Variants in TCF25 observed in about 807,000 individuals in gnomAD.
TCF25 encodes ribosome quality control complex subunit TCF25.
A neutral mutation model predicts 83.1 loss-of-function variants in TCF25; 41 were observed. The ratio of observed to expected loss-of-function variants is 0.49; its 90% CI spans 0.38 to 0.64. TCF25 has a LOEUF of 0.64. Among genes scored for constraint, TCF25 ranks in the 30% least tolerant of loss-of-function variants. TCF25 has a pLI of 0.00. For synonymous variants in TCF25, 458 were observed against 365.0 expected, an observed-to-expected ratio of 1.25 and a Z score of -2.90; for missense variants, 979 against 914.5, an observed-to-expected ratio of 1.07 and a Z score of -0.91.
At chr16:89,884,489 T>G in intron 2 of TCF25, 93 bp from the exon 3 acceptor site, 1 of 1,331,242 alleles carries the variant, frequency 7.5e-7, no homozygotes, top group Non-Finnish European at 1.1e-6. Flanking sequence ...TAGGGGCTGC[T>G]TAGGTGAGGG....
rs748313140 is a variant in TCF25, at chr16:89,884,583, C to T, written c.356C>T (p.Ser119Phe). 3 of 1,613,472 alleles carry T rather than the reference C, an allele frequency of 1.9e-6. No individual in the cohort carries two copies. The highest frequency in any genetic ancestry group is 1.7e-5 in the Admixed American group (1 of 59,940). The change falls in exon 3 of 18, where the codon TCT becomes TTT. Residue 119 changes from serine (S) to phenylalanine (F), a missense_variant and splice_region_variant. By Grantham distance (155) the Ser-to-Phe change is radical. Coordinates refer to ENST00000263346, the MANE Select transcript of TCF25 (RefSeq NM_014972.3). ...DDTETVPSEQSHASGKLRKKK... is the reference protein window; with the variant it reads ...DDTETVPSEQFHASGKLRKKK... The stretch of plus-strand genomic sequence containing the variant: ...ATGAAAATGTGTTTCTATCATTAGT[C>T]TCATGCAAGTGGCAAACTCCGGAAG...
At position 89,883,287 on chromosome 16, in the gene TCF25, T is replaced by C. The variant is rs975274692; in HGVS notation, c.193-64T>C. On this transcript the variant is annotated intron_variant, in intron 1 of 17. Coordinates refer to ENST00000263346, the MANE Select transcript of TCF25 (RefSeq NM_014972.3). ...AAGCCCGTTCACATCTCACTATTCA[T>C]ATCTCAGCATGAGCGTTCACACTGT... is the stretch of plus-strand genomic sequence containing the variant. 5.1e-6 allele frequency: 8 copies of C among 1,580,852 alleles called. No homozygotes were observed. In the Admixed American group the frequency reaches 5.2e-5, roughly 10 times the overall value.
chr16:89,874,345 G>C (rs2041998946), intron 1 of TCF25, among the ~76,000 whole-genome samples: 1 of 152,066 alleles, frequency 6.6e-6, no homozygotes, highest in South Asian at 2.1e-4. Context: ...GGCGTGGGCG[G>C]GGTTAAATGA....
At chr16:89,902,968 GC>G (rs2044470421) in intron 12 of TCF25, among the ~76,000 whole-genome samples, 2 of 152,168 alleles carry the variant, frequency 1.3e-5, no homozygotes, top group African/African-American at 2.4e-5. Flanking sequence ...GCAGAAACGT[GC>G]CCCCCAGAGG....
intron 7 of TCF25, among the ~76,000 whole-genome samples, chr16:89,894,223 G>A (rs1209655401): frequency 6.6e-6 from 1 of 151,968 alleles, no homozygotes; most frequent in African/African-American, 2.4e-5. Context: ...CCCCCGTGCA[G>A]CCCCCGGACG....
intron 7 of TCF25, 64 bp from the exon 8 acceptor site, chr16:89,894,974 G>T (rs893343282): frequency 6.8e-7 from 1 of 1,461,558 alleles, no homozygotes; most frequent in African/African-American, 1.4e-5. Flanking sequence ...TGAAAAAAAG[G>T]CATGCCTGGG....
Position 89,873,635 on chromosome 16 carries a change from C to T in TCF25, c.-33C>T. The T allele has an allele frequency of 2.7e-6, 4 of 1,502,428 alleles. No individual in the cohort carries two copies. The highest frequency in any genetic ancestry group is 3.5e-6 in the Non-Finnish European group (4 of 1,129,766). 93.1% of individuals were successfully genotyped at this position (1,502,428 alleles called of 1,614,324 possible). On this transcript the variant is annotated 5_prime_UTR_variant, in exon 1 of 18. Transcript: ENST00000263346. ...AGCCGAGTTTTCTGCGCTTCCTTCT[C>T]CCTCTCTCCAGACGTCGTGGTCGTT...
intron 14 of TCF25, among the ~76,000 whole-genome samples, chr16:89,905,860 C>T (rs1331838399): frequency 1.3e-5 from 2 of 152,232 alleles, no homozygotes; most frequent in East Asian, 1.9e-4. Context: ...GTAGCAGTGA[C>T]GATGGTGACA....
At chr16:89,908,609 C>T (rs1370572104) in intron 16 of TCF25, among the ~76,000 whole-genome samples, 2 of 88,280 alleles carry the variant, frequency 2.3e-5, no homozygotes, top group East Asian at 3.4e-4. Flanking sequence ...CTCCCTCCTC[C>T]CAGCTCCCAC....
intron 1 of TCF25, among the ~76,000 whole-genome samples, chr16:89,874,183 G>A (rs934655136): frequency 6.6e-6 from 1 of 152,130 alleles, no homozygotes; most frequent in African/African-American, 2.4e-5. Context: ...CCGGGTTGTG[G>A]AGGGTGCGGG....
At chr16:89,896,143 TG>T (rs2043832258) in intron 9 of TCF25, 60 bp downstream of exon 9, 6 of 1,543,200 alleles carry the variant, frequency 3.9e-6, no homozygotes, top group Non-Finnish European at 2.7e-6. Context: ...CGAGTGAGGC[TG>T]GGGGAGGTGC....
At chr16:89,878,638 A>AG in intron 1 of TCF25, 4 of 1,106,424 alleles carry the variant, frequency 3.6e-6, no homozygotes, top group Non-Finnish European at 4.5e-6. Flanking sequence ...GTAGGTAATA[A>AG]GGTGTTTTGT....
At chr16:89,882,410 C>T (rs1440703147) in intron 1 of TCF25, among the ~76,000 whole-genome samples, 3 of 152,008 alleles carry the variant, frequency 2.0e-5, no homozygotes, top group South Asian at 2.1e-4. Context: ...TGGTAGCTCA[C>T]GCCTGTAGTT....
intron 15 of TCF25, among the ~76,000 whole-genome samples, chr16:89,906,971 C>G (rs914782302): frequency 2.6e-5 from 4 of 152,060 alleles, no homozygotes; most frequent in Non-Finnish European, 5.9e-5. Context: ...GCACGTGACC[C>G]CCTTCCTTCC....
rs749348531 is a variant in TCF25, at chr16:89,900,720, C to G, written c.1307C>G (p.Pro436Arg). 9 of 1,605,956 alleles carry G rather than the reference C, an allele frequency of 5.6e-6. No individual in the cohort carries two copies. Among genetic ancestry groups the G allele is most frequent in the Non-Finnish European group, 7.7e-6 (9 of 1,173,072 alleles). The change falls in exon 12 of 18, where the codon CCT (proline) becomes CGT (arginine). Residue 436 changes from proline to arginine, a missense_variant. Pro to Arg is a moderately radical substitution (Grantham distance 103, BLOSUM62 -2). Coordinates refer to ENST00000263346, the MANE Select transcript of TCF25 (RefSeq NM_014972.3). ...CTGCTGAGCCAGCAGACAGACCTCC[C>G]TGAGTGTGAGCAGAGCTCTGCCAGG... is the stretch of plus-strand genomic sequence containing the variant. ...YFLLSQQTDL[P>R]ECEQSSARQK... is the part of the protein sequence containing the mutation.
At chr16:89,901,037 G>T (rs2044280969) in intron 12 of TCF25, 1 of 421,102 alleles carries the variant, frequency 2.4e-6, no homozygotes, top group African/African-American at 1.9e-5. Flanking sequence ...TGGGGCCTGT[G>T]TTCTAGAGTG....
intron 16 of TCF25, chr16:89,909,164 A>G (rs57492102): frequency 0.11 from 136,765 of 1,276,058 alleles, 8,176 homozygotes; most frequent in East Asian, 0.26. Context: ...TAAACATAAA[A>G]TCAAAACTGC....
In TCF25 at chr16:89,910,259, C is replaced by T. The variant is rs1454980652; in HGVS notation, c.1800-332C>T. On this transcript the variant is annotated intron_variant, in intron 16 of 17. Transcript: ENST00000263346. ...CGTAAGGAGTGGGTGCTGAAGGAGACGTTGAAACTGCAGCTTTTCTGAAAA... is the reference window on the plus strand; with the variant it reads ...CGTAAGGAGTGGGTGCTGAAGGAGATGTTGAAACTGCAGCTTTTCTGAAAA... 6 of 380,572 alleles carry T rather than the reference C, an allele frequency of 1.6e-5. No homozygotes were observed. In the East Asian group the frequency reaches 2.2e-4, roughly 14 times the overall value. The allele number at this position is 380,572 out of a possible 1,614,324, so 23.6% of individuals were successfully genotyped here. A position where few individuals can be genotyped will look rare whatever the true frequency, so the allele number is the denominator to read the frequency against.
At chr16:89,891,385 C>G (rs2043415736) in intron 5 of TCF25, among the ~76,000 whole-genome samples, 1 of 152,226 alleles carries the variant, frequency 6.6e-6, no homozygotes, top group African/African-American at 2.4e-5. Flanking sequence ...GGCCTCCACT[C>G]TGCGGTGGCT....
Sources: allele counts gnomAD v4.1 joint callset (sites outside exome capture counted in the v4.1 genomes callset), GRCh38; gene constraint gnomAD v4.1.1; transcripts MANE v1.5; gene names NCBI Gene and HGNC (gene_info 2026-07-23, HGNC 2026-07-21).